Variants in POLR3A observed in about 807,000 individuals in gnomAD.
POLR3A encodes DNA-directed RNA polymerase III subunit RPC1.
Under a neutral mutation model 152.8 loss-of-function variants are expected in POLR3A, and 112 were observed. The observed-to-expected ratio is 0.73, with a 90% CI of 0.63 to 0.86. The LOEUF is 0.86. Ranked by LOEUF, POLR3A falls within the 40% of genes least tolerant of loss-of-function variation. The pLI, the probability that POLR3A is intolerant of heterozygous loss-of-function variation, is 0.00. For missense variants in POLR3A, 1,385 were observed against 1,743.1 expected (o/e 0.79, Z 3.66); for synonymous variants, 615 against 652.1 (o/e 0.94, Z 0.87).
chr10:77,989,348 C>G (rs1049350333), intron 21 of POLR3A, among the ~76,000 whole-genome samples: 1 of 152,170 alleles, frequency 6.6e-6, no homozygotes, highest in Non-Finnish European at 1.5e-5. Context: ...CACCTCAGCT[C>G]TGATACGGGC....
At chr10:78,025,990 A>T (rs963641065) in intron 2 of POLR3A, 104 bp downstream of exon 2, 8 of 1,403,006 alleles carry the variant, frequency 5.7e-6, no homozygotes, top group Non-Finnish European at 8.0e-6. Flanking sequence ...TGCAGGGGGG[A>T]ATTGAGGAGA....
chr10:78,028,756 G>A (rs975172987), intron 1 of POLR3A, among the ~76,000 whole-genome samples: 3 of 151,998 alleles, frequency 2.0e-5, no homozygotes, highest in African/African-American at 7.3e-5. Context: ...ACCCGCTTCG[G>A]CCTCCTAAAG....
At chr10:77,996,765 C>G (rs1474925923) in intron 19 of POLR3A, among the ~76,000 whole-genome samples, 6 of 152,194 alleles carry the variant, frequency 3.9e-5, no homozygotes. Flanking sequence ...CCTTCTGAAA[C>G]TACTCCAATC....
intron 17 of POLR3A, among the ~76,000 whole-genome samples, chr10:78,001,552 C>T (rs1208331865): frequency 6.6e-6 from 1 of 151,812 alleles, no homozygotes; most frequent in Non-Finnish European, 1.5e-5. Context: ...GGACTTTATC[C>T]TGTTTAAAAA....
At chr10:77,985,836 G>T in intron 23 of POLR3A, 67 bp downstream of exon 23, 1 of 1,177,534 alleles carries the variant, frequency 8.5e-7, no homozygotes, top group Non-Finnish European at 1.3e-6. Flanking sequence ...TTGTACACAT[G>T]GGGAAACAGA....
intron 10 of POLR3A, among the ~76,000 whole-genome samples, chr10:78,015,501 G>A (rs1283235048): frequency 6.6e-6 from 1 of 151,838 alleles, no homozygotes; most frequent in Non-Finnish European, 1.5e-5. Flanking sequence ...CTAATTTTTT[G>A]TATTTTAGTA....
In POLR3A at chr10:78,027,221, TG is replaced by T. The variant is rs1847645721; in HGVS notation, c.45-993del. 3.9e-5 allele frequency among the ~76,000 whole-genome samples: 6 copies of T among 152,342 alleles called. No individual in the cohort carries two copies. In the East Asian group the frequency reaches 1.2e-3, roughly 29 times the overall value. ...ATGACTAGGGCCAGGGTCCTGGGAC[TG>T]GCACAAGCTTGGCATTTTCAAGGAA... On this transcript the variant is annotated intron_variant, in intron 1 of 30. Transcript: ENST00000372371.
rs910213909 is a variant in POLR3A, at chr10:77,975,433, C to T, written c.*2045G>A. 1 of 152,396 alleles carries T rather than the reference C, an allele frequency of 6.6e-6. No individual in the cohort carries two copies. Among genetic ancestry groups the T allele is most frequent in the Middle Eastern group, 3.4e-3 (1 of 296 alleles). The allele number at this position is 152,396 out of a possible 1,614,324, so 9.4% of individuals were successfully genotyped here. A position where few individuals can be genotyped will look rare whatever the true frequency, so the allele number is the denominator to read the frequency against. ...GTTCCAGGAGGAGGACCAGCACCTC[C>T]AGGACGTATGACTTCCCCCCCTACC... On this transcript the variant is annotated 3_prime_UTR_variant, in exon 31 of 31. Transcript: ENST00000372371.
rs751735990 is a variant in POLR3A at position 78,007,841 on chromosome 10, C to G, written c.1935G>C (p.Leu645Phe). 2 of 1,613,664 alleles carry G rather than the reference C, an allele frequency of 1.2e-6. No homozygotes were observed. Among genetic ancestry groups the G allele is most frequent in the Admixed American group, 3.3e-5 (2 of 60,020 alleles). The change falls in exon 15 of 31, where the codon TTG (leucine) becomes TTC (phenylalanine). Residue 645 changes from leucine to phenylalanine, a missense_variant. By Grantham distance (22) the Leu-to-Phe change is conservative. Around this residue, in one of 7 missense-constraint regions of POLR3A, gnomAD observed 188 missense variants for 179.9 expected, o/e 1.04. Transcript: ENST00000372371. ...DSYVTIQNSELMSGSMDKGTL... is the reference protein window; with the variant it reads ...DSYVTIQNSEFMSGSMDKGTL... ...TTCCTTTGTCCATGCTGCCACTCAT[C>G]AACTCACTGTTCTGGATTGTAACAT...
In POLR3A at chr10:77,982,038, CAAAAAAAAAA is replaced by C. The variant is rs553149963; in HGVS notation, c.3759+106_3759+115del. ...TGGGCAACAGAGCAAGACTCCATCT[CAAAAAAAAAA>C]AAAAAAAAAAAAAAAAAAGAAGTAT... On this transcript the variant is annotated intron_variant, in intron 28 of 30. Transcript: ENST00000372371. 736 of 277,000 alleles carry C rather than the reference CAAAAAAAAAA, an allele frequency of 2.7e-3. 7 individuals are homozygous for C. In the African/African-American group the frequency reaches 0.044, roughly 17 times the overall value. 17.2% of individuals were successfully genotyped at this position (277,000 alleles called of 1,614,324 possible). A position where few individuals can be genotyped will look rare whatever the true frequency, so the allele number is the denominator to read the frequency against.
intron 20 of POLR3A, among the ~76,000 whole-genome samples, chr10:77,992,495 T>G (rs1423010302): frequency 7.2e-6 from 1 of 138,722 alleles, no homozygotes; most frequent in Non-Finnish European, 1.5e-5. Context: ...CAGGTTGGAG[T>G]GCAGTGGTGT....
Position 78,029,347 on chromosome 10 carries a change from C to T in POLR3A, c.44+17G>A, listed in dbSNP as rs1221310615. 8.1e-6 allele frequency: 13 copies of T among 1,613,988 alleles called. No homozygotes were observed. The South Asian group carries it at 1.2e-4, about 15-fold the overall frequency. On this transcript the variant is annotated intron_variant, in intron 1 of 30. Transcript: ENST00000372371. ...GCCCTATTTCTCAGCCCTTTGGCCACTCTTACTCCGTCTTACATTTTCTTG... is the reference window on the plus strand; with the variant it reads ...GCCCTATTTCTCAGCCCTTTGGCCATTCTTACTCCGTCTTACATTTTCTTG...
rs1394725092 is a variant in POLR3A, at chr10:78,025,744, C to G, written c.196G>C (p.Asp66His). ...LDHRMGTSEK[D>H]RPCETCGKNL... ...TTCCCACAGGTTTCACATGGACGATCCTTCTCACTCGTACCCTTTGAAAAA... is the reference window on the plus strand; with the variant it reads ...TTCCCACAGGTTTCACATGGACGATGCTTCTCACTCGTACCCTTTGAAAAA... The change falls in exon 3 of 31, where the codon GAT (aspartate) becomes CAT (histidine). Residue 66 changes from aspartate to histidine, a missense_variant. Physicochemically the swap from Asp to His is moderately conservative, Grantham distance 81. Transcript: ENST00000372371. 3.7e-6 allele frequency: 6 copies of G among 1,613,988 alleles called. No individual in the cohort carries two copies. The South Asian group carries it at 6.6e-5, about 18-fold the overall frequency.
intron 10 of POLR3A, among the ~76,000 whole-genome samples, chr10:78,014,692 C>T (rs919734197): frequency 3.3e-5 from 5 of 152,026 alleles, no homozygotes; most frequent in East Asian, 1.9e-4. Flanking sequence ...CTTGAGCCAC[C>T]GCACCTGGCC....
chr10:78,025,312 T>A (rs1157398887), intron 3 of POLR3A, among the ~76,000 whole-genome samples, 170 bp from the exon 4 acceptor site: 2 of 152,222 alleles, frequency 1.3e-5, no homozygotes, highest in Non-Finnish European at 2.9e-5. Context: ...GTTCACTAGA[T>A]TAGCAGTACT....
intron 30 of POLR3A, among the ~76,000 whole-genome samples, chr10:77,978,908 C>T (rs373763524): frequency 3.3e-5 from 5 of 152,118 alleles, no homozygotes; most frequent in Admixed American, 6.5e-5. Flanking sequence ...GTGATCCACC[C>T]GCCTTGGCCT....
intron 19 of POLR3A, among the ~76,000 whole-genome samples, chr10:77,996,778 T>C (rs1356996107): frequency 2.0e-5 from 3 of 152,070 alleles, no homozygotes; most frequent in Non-Finnish European, 4.4e-5. Flanking sequence ...CTCCAATCAA[T>C]AGAAAAAGAG....
rs767961149 is a variant in POLR3A, at chr10:78,024,636, C to T, written c.558G>A (p.Val186=). 6.2e-7 allele frequency: 1 copy of T among 1,613,760 alleles called. No homozygotes were observed. ...GAAGGAAATTTGATACAATGGGATC[C>T]ACCACTTTTTTGTTGGTCTTGTATT... ...HEKYKTNKKV[V]DPIVSNFLQS... Residue 186 remains valine, a synonymous_variant, in exon 5 of 31, where the codon GTG becomes GTA. Transcript: ENST00000372371.
chr10:77,980,733 A>C (rs928809331), intron 29 of POLR3A, among the ~76,000 whole-genome samples: 1 of 152,252 alleles, frequency 6.6e-6, no homozygotes, highest in Admixed American at 6.5e-5. Context: ...ACAAAAAGTC[A>C]CAACAAAAAC....
Sources: gnomAD v4.1 joint callset for allele counts (sites outside exome capture counted in the v4.1 genomes callset) on GRCh38, gnomAD v4.1.1 for gene constraint, gnomAD v4.1.1 regional missense constraint, MANE v1.5 for transcripts, NCBI Gene and HGNC (gene_info 2026-07-23, HGNC 2026-07-21) for gene names.